Variants in CNTN1 observed in about 807,000 individuals in gnomAD.
The protein encoded by CNTN1 is contactin-1.
CNTN1 carries 38 observed loss-of-function variants against 126.4 expected under a neutral mutation model. That is an observed-to-expected ratio of 0.30 (90% CI 0.23 to 0.39). The LOEUF (loss-of-function observed/expected upper bound fraction) is 0.39. Ranked by LOEUF, CNTN1 falls within the 10% of genes least tolerant of loss-of-function variation. The pLI, the probability that CNTN1 is intolerant of heterozygous loss-of-function variation, is 1.00. For synonymous variants in CNTN1, 413 were observed against 422.6 expected, an observed-to-expected ratio of 0.98 and a Z score of 0.28; for missense variants, 1,009 against 1,248.4, an observed-to-expected ratio of 0.81 and a Z score of 2.89.
chr12:41,050,100 A>T (rs2121017905), intron 23 of CNTN1, among the ~76,000 whole-genome samples: 1 of 152,174 alleles, frequency 6.6e-6, no homozygotes, highest in East Asian at 1.9e-4. Context: ...GGGTTTTGCC[A>T]TGTTGGCCAG....
Position 40,732,074 on chromosome 12 carries a change from T to C in CNTN1, c.-77+39482T>C, listed in dbSNP as rs185076323. Among the ~76,000 whole-genome samples, 68 of 152,104 alleles carry C rather than the reference T, an allele frequency of 4.5e-4. 1 individual carries two copies. The highest frequency in any genetic ancestry group is 6.9e-4 in the Non-Finnish European group (47 of 67,908). ...CTGAAAAAATATTTGTACTATAAAA[T>C]AGGAAATGTTAAATTGCAAATGAGA... On this transcript the variant is annotated intron_variant, in intron 1 of 23. Transcript: ENST00000551295.
At chr12:40,992,205 G>T (rs555729891) in intron 16 of CNTN1, among the ~76,000 whole-genome samples, 1 of 152,178 alleles carries the variant, frequency 6.6e-6, no homozygotes, top group African/African-American at 2.4e-5. Flanking sequence ...GGTGAGATGG[G>T]ACAGTCTGAG....
chr12:41,050,371 G>A (rs1315699685), intron 23 of CNTN1, among the ~76,000 whole-genome samples: 3 of 152,162 alleles, frequency 2.0e-5, no homozygotes, highest in Admixed American at 2.0e-4. Flanking sequence ...GGCTGGGAAG[G>A]CCTCAGGAAA....
intron 4 of CNTN1, among the ~76,000 whole-genome samples, chr12:40,920,723 C>G (rs1945410588): frequency 6.6e-6 from 1 of 152,076 alleles, no homozygotes; most frequent in South Asian, 2.1e-4. Flanking sequence ...CAACAGGGTA[C>G]TTTACTTCTG....
At chr12:40,810,302 T>A (rs1015924085) in intron 1 of CNTN1, among the ~76,000 whole-genome samples, 5 of 152,212 alleles carry the variant, frequency 3.3e-5, no homozygotes, top group Non-Finnish European at 7.3e-5. Flanking sequence ...TGTTTTGATA[T>A]CTATATACAA....
intron 17 of CNTN1, among the ~76,000 whole-genome samples, chr12:41,013,876 G>T (rs1017624478): frequency 3.9e-5 from 6 of 152,176 alleles, no homozygotes; most frequent in African/African-American, 1.4e-4. Flanking sequence ...AATGAAGCAT[G>T]AAACTAACAC....
intron 4 of CNTN1, 130 bp downstream of exon 4, chr12:40,918,901 A>G (rs1351446000): frequency 9.0e-7 from 1 of 1,112,490 alleles, no homozygotes; most frequent in Non-Finnish European, 1.3e-6. Flanking sequence ...AAATATTGGC[A>G]TACAAACTAT....
At chr12:40,786,584 C>T (rs2136458523) in intron 1 of CNTN1, among the ~76,000 whole-genome samples, 1 of 152,208 alleles carries the variant, frequency 6.6e-6, no homozygotes, top group East Asian at 1.9e-4. Flanking sequence ...GAAGTATGGG[C>T]ATTAGAGACT....
intron 1 of CNTN1, among the ~76,000 whole-genome samples, chr12:40,842,967 C>A (rs555183936): frequency 2.3e-4 from 35 of 152,116 alleles, no homozygotes; most frequent in African/African-American, 8.4e-4. Context: ...TGATATAATA[C>A]CACATACCTG....
chr12:40,779,570 A>G (rs1939713071), intron 1 of CNTN1, among the ~76,000 whole-genome samples: 1 of 151,860 alleles, frequency 6.6e-6, no homozygotes, highest in African/African-American at 2.4e-5. Context: ...CTTAATTATA[A>G]GTACAGCCTC....
intron 16 of CNTN1, among the ~76,000 whole-genome samples, chr12:40,991,702 C>T (rs1340578594): frequency 6.6e-6 from 1 of 152,172 alleles, no homozygotes. Flanking sequence ...GTGGCATAAG[C>T]CTGTAGTCCC....
intron 15 of CNTN1, among the ~76,000 whole-genome samples, chr12:40,962,819 T>C (rs749281354): frequency 1.3e-5 from 2 of 152,266 alleles, no homozygotes; most frequent in Middle Eastern, 3.4e-3. Context: ...TGAGATTGTA[T>C]TGACCATGTA....
chr12:41,005,828 A>G (rs1270033558), intron 17 of CNTN1, among the ~76,000 whole-genome samples: 1 of 151,978 alleles, frequency 6.6e-6, no homozygotes. Flanking sequence ...TCATTGTTTT[A>G]TAATTATTTT....
intron 6 of CNTN1, among the ~76,000 whole-genome samples, chr12:40,925,078 T>A (rs976767216): frequency 3.7e-4 from 56 of 151,782 alleles, no homozygotes; most frequent in Middle Eastern, 3.4e-3. Flanking sequence ...GATAAAGACA[T>A]AATAAATTAT....
chr12:40,894,402 A>C (rs1356289341), intron 1 of CNTN1, among the ~76,000 whole-genome samples: 1 of 152,172 alleles, frequency 6.6e-6, no homozygotes, highest in Non-Finnish European at 1.5e-5. Context: ...AGTTAATAAT[A>C]ATGTATTAAT....
At chr12:41,017,075 C>T (rs73116992) in intron 19 of CNTN1, among the ~76,000 whole-genome samples, 159 bp downstream of exon 19, 2 of 152,130 alleles carry the variant, frequency 1.3e-5, no homozygotes, top group South Asian at 4.1e-4. Flanking sequence ...TTAAACATCA[C>T]CCTCTTCATC....
intron 4 of CNTN1, among the ~76,000 whole-genome samples, chr12:40,919,778 T>G (rs1387549716): frequency 1.3e-5 from 2 of 152,168 alleles, no homozygotes; most frequent in African/African-American, 2.4e-5. Flanking sequence ...ATTGAAATTA[T>G]TTTTATCGTT....
At chr12:40,798,148 A>T (rs11178439) in intron 1 of CNTN1, among the ~76,000 whole-genome samples, 42,586 of 151,826 alleles carry the variant, frequency 0.28, 6,079 homozygotes, top group East Asian at 0.42. Context: ...TATCCTTCAA[A>T]CTTTAAAGCA....
At chr12:40,742,266 A>G (rs1004148506) in intron 1 of CNTN1, 1 of 152,130 alleles carries the variant, frequency 6.6e-6, no homozygotes, top group African/African-American at 2.4e-5. Flanking sequence ...GTGACTGCCA[A>G]GTTGAGTTTA....
Sources: gnomAD v4.1 joint callset for allele counts (sites outside exome capture counted in the v4.1 genomes callset) on GRCh38, gnomAD v4.1.1 for gene constraint, MANE v1.5 for transcripts, NCBI Gene and HGNC (gene_info 2026-07-23, HGNC 2026-07-21) for gene names.